The following PHACTR1 variants were observed in gnomAD, a reference collection of about 807,000 sequenced individuals.
PHACTR1 encodes phosphatase and actin regulator 1.
In PHACTR1, 16 loss-of-function variants were observed where a neutral mutation model predicts 69.2. That is an observed-to-expected ratio of 0.23 (90% CI 0.16 to 0.35). The LOEUF is 0.35. Ranked by LOEUF, PHACTR1 falls within the 10% of genes least tolerant of loss-of-function variation. The pLI is 1.00. For missense variants in PHACTR1, 510 were observed against 734.7 expected (o/e 0.69, Z 3.54); for synonymous variants, 312 against 284.5 (o/e 1.10, Z -0.97).
intron 3 of PHACTR1, among the ~76,000 whole-genome samples, chr6:12,747,892 C>T (rs1302885871): frequency 6.6e-6 from 1 of 151,920 alleles, no homozygotes; most frequent in Non-Finnish European, 1.5e-5. Flanking sequence ...GCTCTTAATG[C>T]CAGCATAAGC....
At chr6:13,132,834 G>T (rs1301864369) in intron 5 of PHACTR1, among the ~76,000 whole-genome samples, 3 of 152,112 alleles carry the variant, frequency 2.0e-5, no homozygotes, top group Non-Finnish European at 2.9e-5. Context: ...ACTGATCAGG[G>T]TTGCTAAAGG....
chr6:12,995,374 G>A (rs1249929313), intron 4 of PHACTR1, among the ~76,000 whole-genome samples: 1 of 151,716 alleles, frequency 6.6e-6, no homozygotes, highest in Non-Finnish European at 1.5e-5. Flanking sequence ...TGAAACAAAT[G>A]AGTCACAACA....
intron 6 of PHACTR1, among the ~76,000 whole-genome samples, chr6:13,177,332 ACT>A (rs908172643): frequency 6.8e-6 from 1 of 147,886 alleles, no homozygotes; most frequent in African/African-American, 2.5e-5. Context: ...AGAGCAAGAC[ACT>A]CTCTGTCTGT....
intron 4 of PHACTR1, among the ~76,000 whole-genome samples, chr6:12,971,988 G>C (rs1195602394): frequency 6.6e-6 from 1 of 152,172 alleles, no homozygotes; most frequent in Non-Finnish European, 1.5e-5. Flanking sequence ...GACTTCTGTT[G>C]AGCACCTACT....
intron 3 of PHACTR1, among the ~76,000 whole-genome samples, chr6:12,742,174 G>A (rs1765138766): frequency 6.6e-6 from 1 of 152,152 alleles, no homozygotes; most frequent in Non-Finnish European, 1.5e-5. Context: ...GCAGAGGCAT[G>A]GGCCACTCAG....
At chr6:13,193,385 A>ATATATATATATATATATATATAT (rs1561971538) in intron 7 of PHACTR1, among the ~76,000 whole-genome samples, 4 of 136,514 alleles carry the variant, frequency 2.9e-5, no homozygotes, top group Non-Finnish European at 4.8e-5. Context: ...ATATATATAT[A>ATATATATATATATATATATATAT]GTTTTGGGGA....
chr6:12,826,157 T>C (rs1776782262), intron 4 of PHACTR1, among the ~76,000 whole-genome samples: 2 of 152,168 alleles, frequency 1.3e-5, no homozygotes, highest in Admixed American at 6.5e-5. Flanking sequence ...AGAAAGCCAA[T>C]AGAGGGTATA....
intron 4 of PHACTR1, among the ~76,000 whole-genome samples, chr6:13,047,245 G>A (rs918717698): frequency 2.0e-5 from 3 of 152,018 alleles, no homozygotes; most frequent in Admixed American, 6.6e-5. Context: ...GAGTGTGGTA[G>A]TGCACGCCTG....
chr6:12,943,909 C>A (rs1268329583), intron 4 of PHACTR1, among the ~76,000 whole-genome samples: 2 of 152,102 alleles, frequency 1.3e-5, no homozygotes, highest in African/African-American at 4.8e-5. Context: ...TGCATCTAGT[C>A]TTGGAATTTT....
intron 4 of PHACTR1, among the ~76,000 whole-genome samples, chr6:12,912,450 T>C (rs1391026278): frequency 1.3e-5 from 2 of 152,224 alleles, no homozygotes; most frequent in Non-Finnish European, 2.9e-5. Context: ...TTGTCCAGTT[T>C]TGAAAAGGTT....
chr6:12,821,189 T>C (rs997051329), intron 4 of PHACTR1, among the ~76,000 whole-genome samples: 3 of 152,078 alleles, frequency 2.0e-5, no homozygotes, highest in Non-Finnish European at 4.4e-5. Context: ...TGGCCAGGCG[T>C]GGTGGCTGAC....
chr6:12,808,254 T>G (rs745326200), intron 4 of PHACTR1, among the ~76,000 whole-genome samples: 1 of 152,216 alleles, frequency 6.6e-6, no homozygotes, highest in Admixed American at 6.5e-5. Flanking sequence ...TCTTATTCAG[T>G]CTTTGGGCAC....
chr6:12,817,615 A>G (rs757464160), intron 4 of PHACTR1, among the ~76,000 whole-genome samples: 2 of 152,214 alleles, frequency 1.3e-5, no homozygotes, highest in Non-Finnish European at 2.9e-5. Context: ...AACTGCTTAT[A>G]TAAATGATAG....
chr6:12,916,684 T>C (rs892384138), intron 4 of PHACTR1, among the ~76,000 whole-genome samples: 1 of 152,146 alleles, frequency 6.6e-6, no homozygotes, highest in Admixed American at 6.5e-5. Context: ...GTCTCTGCAG[T>C]TGGGAGAGCA....
At chr6:12,987,241 T>C (rs554710731) in intron 4 of PHACTR1, among the ~76,000 whole-genome samples, 25 of 152,168 alleles carry the variant, frequency 1.6e-4, no homozygotes, top group Non-Finnish European at 3.1e-4. Context: ...AGAATGACAT[T>C]ATCCATTGAA....
chr6:12,843,253 G>A lies in PHACTR1; in HGVS notation c.250+93463G>A, dbSNP rs528325776. Among the ~76,000 whole-genome samples the A allele has an allele frequency of 6.6e-5, 10 of 152,286 alleles. No individual in the cohort carries two copies. In the South Asian group the frequency reaches 1.2e-3, roughly 19 times the overall value. ...TAGCTCCAATAAGGACTTTAGCTCC[G>A]GAGGTTTGGACAGCAGGTGCCTGAA... is the stretch of plus-strand genomic sequence containing the variant. On this transcript the variant is annotated intron_variant, in intron 4 of 14. Transcript: ENST00000332995.
intron 5 of PHACTR1, among the ~76,000 whole-genome samples, chr6:13,094,833 A>C (rs1338451643): frequency 6.6e-6 from 1 of 152,218 alleles, no homozygotes; most frequent in East Asian, 1.9e-4. Flanking sequence ...AACATTATTT[A>C]ATCACTCACC....
At chr6:12,754,048 C>T (rs976807105) in intron 4 of PHACTR1, among the ~76,000 whole-genome samples, 6 of 149,726 alleles carry the variant, frequency 4.0e-5, no homozygotes, top group South Asian at 2.1e-4. Context: ...CTGCAAGTTC[C>T]GCTTCCCAGG....
In PHACTR1 at chr6:13,206,003, C is replaced by G. The variant is rs1329471968; in HGVS notation, c.853C>G (p.His285Asp). Residue 285 changes from histidine to aspartate, a missense_variant, in exon 8 of 15, where the codon CAC (histidine) becomes GAC (aspartate). His to Asp is a moderately conservative substitution (Grantham distance 81, BLOSUM62 -1). Around this residue, in one of 2 missense-constraint regions of PHACTR1, gnomAD observed 419 missense variants for 530.9 expected, o/e 0.79. Coordinates refer to ENST00000332995, the MANE Select transcript of PHACTR1 (RefSeq NM_030948.6). ...HHTVLPSQIQ[H>D]QLQYGSHGQH... The stretch of plus-strand genomic sequence containing the variant: ...CACTGTCCTGCCCTCCCAGATCCAG[C>G]ACCAGCTGCAGTACGGCAGCCACGG... The G allele has an allele frequency of 1.2e-6, 2 of 1,614,024 alleles. No homozygotes were observed. The highest frequency in any genetic ancestry group is 1.7e-6 in the Non-Finnish European group (2 of 1,179,892).
Sources: gnomAD v4.1 joint callset for allele counts (sites outside exome capture counted in the v4.1 genomes callset) on GRCh38, gnomAD v4.1.1 for gene constraint, gnomAD v4.1.1 regional missense constraint, MANE v1.5 for transcripts, NCBI Gene and HGNC (gene_info 2026-07-23, HGNC 2026-07-21) for gene names.